The following CC2D2A variants were observed in gnomAD, a reference collection of about 807,000 sequenced individuals.
CC2D2A encodes coiled-coil and C2 domain containing 2A.
Under a neutral mutation model 212.9 loss-of-function variants are expected in CC2D2A, and 155 were observed. That is an observed-to-expected ratio of 0.73 (90% confidence interval 0.64 to 0.83). The LOEUF (loss-of-function observed/expected upper bound fraction) is 0.83. Ranked by LOEUF, CC2D2A falls within the 40% of genes least tolerant of loss-of-function variation. The pLI is 0.00. For synonymous variants in CC2D2A, 667 were observed against 686.5 expected, an observed-to-expected ratio of 0.97 and a Z score of 0.44; for missense variants, 1,856 against 1,956.2, an observed-to-expected ratio of 0.95 and a Z score of 0.97.
intron 4 of CC2D2A, among the ~76,000 whole-genome samples, chr4:15,490,304 C>T (rs1392616503): frequency 6.6e-6 from 1 of 152,206 alleles, no homozygotes; most frequent in Non-Finnish European, 1.5e-5. Flanking sequence ...GCCTCCACTC[C>T]TAGCCCTAGC....
intron 1 of CC2D2A, among the ~76,000 whole-genome samples, chr4:15,470,280 A>G (rs1276202093): frequency 6.6e-6 from 1 of 152,194 alleles, no homozygotes; most frequent in Admixed American, 6.5e-5. Flanking sequence ...GGTTTGCAGG[A>G]AATGTAAGTC....
At position 15,544,878 on chromosome 4, in the gene CC2D2A, C is replaced by T. The variant is rs576895713; in HGVS notation, c.2181+3864C>T. On this transcript the variant is annotated intron_variant, in intron 17 of 36. Transcript: ENST00000424120. ...TGAAATAAATTTTTAAATAAAAAAG[C>T]AAAGTTACCCAGAATATTATCCAGA... 1.1e-4 allele frequency among the ~76,000 whole-genome samples: 17 copies of T among 152,198 alleles called. No homozygotes were observed. The South Asian group carries it at 3.5e-3, about 32-fold the overall frequency.
intron 30 of CC2D2A, among the ~76,000 whole-genome samples, chr4:15,585,125 T>C (rs1325568951): frequency 6.6e-6 from 1 of 152,218 alleles, no homozygotes; most frequent in African/African-American, 2.4e-5. Flanking sequence ...CAATGTGATC[T>C]GGCAATCCCA....
intron 24 of CC2D2A, among the ~76,000 whole-genome samples, chr4:15,566,154 G>A (rs1288998381): frequency 1.3e-5 from 2 of 152,352 alleles, no homozygotes; most frequent in African/African-American, 2.4e-5. Flanking sequence ...GTATCTGGAA[G>A]AGACTCTCTG....
chr4:15,599,777 G>C, intron 36 of CC2D2A, 71 bp downstream of exon 36: 4 of 1,272,740 alleles, frequency 3.1e-6, no homozygotes, highest in Non-Finnish European at 3.2e-6. Context: ...CCAATAATAG[G>C]TTTCTGGAAT....
intron 17 of CC2D2A, chr4:15,543,945 T>C (rs1718586389): frequency 6.6e-6 from 1 of 152,226 alleles, no homozygotes; most frequent in African/African-American, 2.4e-5. Context: ...ATAAAGTCTA[T>C]TATACTATAT....
chr4:15,476,024 T>C, intron 2 of CC2D2A, 53 bp downstream of exon 2: 2 of 1,482,064 alleles, frequency 1.3e-6, no homozygotes, highest in Admixed American at 1.9e-5. Flanking sequence ...TGCATGCTTA[T>C]GTTACACGTG....
chr4:15,588,355 G>A (rs1306096836), intron 32 of CC2D2A, among the ~76,000 whole-genome samples: 4 of 152,150 alleles, frequency 2.6e-5, no homozygotes, highest in African/African-American at 9.7e-5. Flanking sequence ...GGTATCTGCT[G>A]CTAGCCTGGC....
intron 4 of CC2D2A, among the ~76,000 whole-genome samples, chr4:15,497,651 C>A (rs575527362): frequency 6.6e-6 from 1 of 152,182 alleles, no homozygotes; most frequent in African/African-American, 2.4e-5. Context: ...TATCCACATC[C>A]TTGTCAATAC....
intron 17 of CC2D2A, among the ~76,000 whole-genome samples, chr4:15,543,414 G>T (rs1718559419): frequency 6.6e-6 from 1 of 152,078 alleles, no homozygotes; most frequent in African/African-American, 2.4e-5. Context: ...TTTAGAAAGG[G>T]GATTGGAGTT....
At chr4:15,561,960 C>A (rs1719624582) in intron 23 of CC2D2A, among the ~76,000 whole-genome samples, 1 of 152,192 alleles carries the variant, frequency 6.6e-6, no homozygotes, top group Non-Finnish European at 1.5e-5. Flanking sequence ...CCTCTAATTT[C>A]TTCATCTGAA....
Position 15,589,503 on chromosome 4 carries a change from A to C in CC2D2A, c.4180-42A>C, listed in dbSNP as rs773924063. On this transcript the variant is annotated intron_variant, in intron 32 of 36. Coordinates refer to ENST00000424120, the MANE Select transcript of CC2D2A (RefSeq NM_001378615.1). ...GCAAACTACTATTGGCCTTCACTGC[A>C]TAAATAGTTGAAAACTAGTTTTAAT... 1.3e-4 allele frequency: 202 copies of C among 1,588,692 alleles called. 4 individuals are homozygous for C. The South Asian group carries it at 1.9e-3, about 15-fold the overall frequency.
intron 4 of CC2D2A, among the ~76,000 whole-genome samples, chr4:15,493,936 T>G (rs954318866): frequency 2.0e-5 from 3 of 152,224 alleles, no homozygotes; most frequent in African/African-American, 7.2e-5. Context: ...GAGAAACTTT[T>G]CATATCATTT....
chr4:15,564,632 C>G (rs1382559500), intron 24 of CC2D2A, among the ~76,000 whole-genome samples: 1 of 152,050 alleles, frequency 6.6e-6, no homozygotes, highest in Non-Finnish European at 1.5e-5. Flanking sequence ...GGTTCTTCCC[C>G]TTTAATTTAG....
chr4:15,519,401 AC>A (rs1717076250), intron 11 of CC2D2A: 1 of 405,928 alleles, frequency 2.5e-6, no homozygotes, highest in South Asian at 1.9e-5. Context: ...GGAGTTCCAA[AC>A]TTTCCCACAT....
At chr4:15,479,265 C>G (rs749907863) in intron 3 of CC2D2A, 13 of 1,537,260 alleles carry the variant, frequency 8.5e-6, no homozygotes, top group Middle Eastern at 3.3e-4. Flanking sequence ...GATCCTCCCC[C>G]ACCTCTCCGC....
chr4:15,477,782 TC>T (rs1288812060), intron 2 of CC2D2A, among the ~76,000 whole-genome samples: 1 of 152,174 alleles, frequency 6.6e-6, no homozygotes, highest in African/African-American at 2.4e-5. Context: ...CGACCTCACT[TC>T]CGTCCTCTGT....
At chr4:15,568,743 C>T (rs1240041174) in intron 26 of CC2D2A, among the ~76,000 whole-genome samples, 5 of 152,186 alleles carry the variant, frequency 3.3e-5, no homozygotes, top group South Asian at 2.1e-4. Flanking sequence ...TGCAGAGGCA[C>T]GGTTGCTCCA....
intron 31 of CC2D2A, among the ~76,000 whole-genome samples, chr4:15,586,634 T>C (rs971253273): frequency 1.3e-5 from 2 of 152,216 alleles, no homozygotes; most frequent in Non-Finnish European, 2.9e-5. Flanking sequence ...TTATTCAGTA[T>C]GTACTTCTTG....
Sources: gnomAD v4.1 joint callset for allele counts (sites outside exome capture counted in the v4.1 genomes callset) on GRCh38, gnomAD v4.1.1 for gene constraint, MANE v1.5 for transcripts, NCBI Gene and HGNC (gene_info 2026-07-23, HGNC 2026-07-21) for gene names.